The following CAMKMT variants were observed in gnomAD, a reference collection of about 807,000 sequenced individuals.
CAMKMT encodes the protein CaM KMT.
A neutral mutation model predicts 48.0 loss-of-function variants in CAMKMT; 53 were observed. That is an observed-to-expected ratio of 1.10 (90% CI 0.89 to 1.39). CAMKMT has a LOEUF of 1.39. Among genes scored for constraint, CAMKMT ranks in the 40% most tolerant of loss-of-function variants. The pLI, the probability that CAMKMT is intolerant of heterozygous loss-of-function variation, is 0.00. For missense variants in CAMKMT, 428 were observed against 402.7 expected, an observed-to-expected ratio of 1.06 and a Z score of -0.54; for synonymous variants, 165 against 152.3, an observed-to-expected ratio of 1.08 and a Z score of -0.61.
intron 3 of CAMKMT, among the ~76,000 whole-genome samples, chr2:44,559,093 C>T (rs890535162): frequency 3.9e-5 from 6 of 152,148 alleles, no homozygotes; most frequent in African/African-American, 1.4e-4. Flanking sequence ...GTTTCTACAA[C>T]AGATGGTTCT....
rs1012618077 is a variant in CAMKMT at position 44,598,384 on chromosome 2, A to G, written c.377-105899A>G. The stretch of plus-strand genomic sequence containing the variant: ...TTATGCAAAAATAGATTATGAAGGA[A>G]TATGGGAGAAAAGAAATGAAGTTCC... On this transcript the variant is annotated intron_variant, in intron 3 of 10. Transcript: ENST00000378494. 1.8e-4 allele frequency among the ~76,000 whole-genome samples: 27 copies of G among 152,052 alleles called. 1 individual carries two copies. The highest frequency in any genetic ancestry group is 5.6e-4 in the African/African-American group (23 of 41,332).
chr2:44,682,835 T>C (rs986576619), intron 3 of CAMKMT, among the ~76,000 whole-genome samples: 20 of 152,158 alleles, frequency 1.3e-4, no homozygotes, highest in African/African-American at 4.8e-4. Context: ...GACACAACAA[T>C]GTAAAATAAA....
chr2:44,481,669 A>G (rs1051223415), intron 3 of CAMKMT, among the ~76,000 whole-genome samples: 1 of 152,108 alleles, frequency 6.6e-6, no homozygotes, highest in African/African-American at 2.4e-5. Context: ...TCATATTGCT[A>G]TTCAACAAAA....
chr2:44,492,889 CTT>C (rs11400501), intron 3 of CAMKMT, among the ~76,000 whole-genome samples: 1 of 142,854 alleles, frequency 7.0e-6, no homozygotes, highest in Non-Finnish European at 1.5e-5. Context: ...CATATTGTAT[CTT>C]TTTTTTTTTT....
chr2:44,534,149 G>T (rs776412300), intron 3 of CAMKMT, among the ~76,000 whole-genome samples: 5 of 152,102 alleles, frequency 3.3e-5, no homozygotes. Context: ...AATGACAAAG[G>T]AATCACTTCA....
rs149089358 is a variant in CAMKMT, at chr2:44,722,038, A to G, written c.623+6685A>G. On this transcript the variant is annotated intron_variant, in intron 7 of 10. Coordinates refer to ENST00000378494, the MANE Select transcript of CAMKMT (RefSeq NM_024766.5). Reference sequence around the variant, plus strand: ...TCACATCTGGAATCTATTGCTTAAAATAGTGTTTTTAAGGTTATTCATGTG... The same window carrying G: ...TCACATCTGGAATCTATTGCTTAAAGTAGTGTTTTTAAGGTTATTCATGTG... Among the ~76,000 whole-genome samples, 958 of 152,346 alleles carry G rather than the reference A, an allele frequency of 6.3e-3. 11 individuals carry two copies. Among genetic ancestry groups the G allele is most frequent in the African/African-American group, 0.022 (912 of 41,582 alleles).
intron 3 of CAMKMT, among the ~76,000 whole-genome samples, chr2:44,576,594 A>G (rs910612160): frequency 6.6e-6 from 1 of 152,210 alleles, no homozygotes; most frequent in Non-Finnish European, 1.5e-5. Context: ...GAATGTGATC[A>G]GTGGTCAAAG....
At chr2:44,589,915 A>AAAAAAAAG in intron 3 of CAMKMT, among the ~76,000 whole-genome samples, 3 of 80,536 alleles carry the variant, frequency 3.7e-5, no homozygotes, top group Non-Finnish European at 8.1e-5. Context: ...AAAAGAACGA[A>AAAAAAAAG]AAAAAAAAAA....
intron 3 of CAMKMT, among the ~76,000 whole-genome samples, chr2:44,629,311 G>A (rs112467652): frequency 5.9e-5 from 9 of 152,006 alleles, no homozygotes; most frequent in South Asian, 2.1e-4. Context: ...TTTGAAGTCC[G>A]CTGTGTCTGA....
intron 3 of CAMKMT, among the ~76,000 whole-genome samples, chr2:44,643,861 G>T (rs1406940468): frequency 6.6e-6 from 1 of 152,014 alleles, no homozygotes; most frequent in East Asian, 1.9e-4. Flanking sequence ...ATAGTGTGTC[G>T]ATATGATTGA....
At position 44,390,249 on chromosome 2, in the gene CAMKMT, G is replaced by T. The variant is rs781269991; in HGVS notation, c.320G>T (p.Ser107Ile). The T allele has an allele frequency of 6.2e-7, 1 of 1,608,632 alleles. No individual in the cohort carries two copies. Among genetic ancestry groups the T allele is most frequent in the East Asian group, 2.2e-5 (1 of 44,716 alleles). Residue 107 changes from serine to isoleucine, a missense_variant, in exon 3 of 11, where the codon AGT (serine) becomes ATT (isoleucine). Transcript: ENST00000378494. The part of the protein sequence containing the change: ...PEYSISLRHN[S>I]GSLNVEDVLT... ...GCTTTACTCCTTTCTAGGCATAATA[G>T]TGGATCCTTGAATGTTGAAGATGTC...
At chr2:44,522,236 A>T (rs1478927892) in intron 3 of CAMKMT, among the ~76,000 whole-genome samples, 3 of 151,698 alleles carry the variant, frequency 2.0e-5, no homozygotes, top group African/African-American at 7.3e-5. Context: ...TGATCTCCTG[A>T]CCTCGTGATA....
chr2:44,693,005 C>G (rs1676749213), intron 3 of CAMKMT, among the ~76,000 whole-genome samples: 1 of 152,190 alleles, frequency 6.6e-6, no homozygotes, highest in Non-Finnish European at 1.5e-5. Context: ...ATACTTGACA[C>G]TTCCCTCTCC....
At chr2:44,469,067 G>A (rs1668277638) in intron 3 of CAMKMT, among the ~76,000 whole-genome samples, 1 of 152,130 alleles carries the variant, frequency 6.6e-6, no homozygotes, top group African/African-American at 2.4e-5. Context: ...GTTGGTTAAT[G>A]TATACAATAT....
chr2:44,748,830 T>C (rs1680028703), intron 8 of CAMKMT, among the ~76,000 whole-genome samples: 1 of 152,090 alleles, frequency 6.6e-6, no homozygotes, highest in South Asian at 2.1e-4. Flanking sequence ...TGAGCCAAGA[T>C]CGCTCAAGAT....
At chr2:44,758,021 C>G (rs1558838705) in intron 9 of CAMKMT, among the ~76,000 whole-genome samples, 1 of 152,172 alleles carries the variant, frequency 6.6e-6, no homozygotes. Flanking sequence ...TGTAGCAGGC[C>G]CTGTACTGGT....
At chr2:44,387,307 T>G (rs1680868097) in intron 2 of CAMKMT, among the ~76,000 whole-genome samples, 1 of 151,838 alleles carries the variant, frequency 6.6e-6, no homozygotes, top group African/African-American at 2.4e-5. Context: ...GCTTTAAGGT[T>G]TGTTTTGTCT....
In CAMKMT at chr2:44,653,701, C is replaced by T. The variant is rs79657925; in HGVS notation, c.377-50582C>T. ...AACCAAGATTAATGAAAAATTTTAT[C>T]CCCCTTTTAAGTAAATTAATCTTTT... On this transcript the variant is annotated intron_variant, in intron 3 of 10. Transcript: ENST00000378494. The surrounding 1 kb of genome is among the most constrained non-coding windows in gnomAD (Gnocchi z 5.2). Among the ~76,000 whole-genome samples the T allele has an allele frequency of 0.025, 3,745 of 152,216 alleles. 149 individuals carry two copies. The highest frequency in any genetic ancestry group is 0.085 in the African/African-American group (3,535 of 41,526).
intron 9 of CAMKMT, among the ~76,000 whole-genome samples, chr2:44,759,005 C>T (rs1680500428): frequency 6.6e-6 from 1 of 152,228 alleles, no homozygotes; most frequent in African/African-American, 2.4e-5. Flanking sequence ...TCAGAAATAT[C>T]ACTGTGGAAT....
Sources: allele counts gnomAD v4.1 joint callset (sites outside exome capture counted in the v4.1 genomes callset), GRCh38; gene constraint gnomAD v4.1.1; non-coding constraint Gnocchi (gnomAD v3.1); transcripts MANE v1.5; gene names NCBI Gene and HGNC (gene_info 2026-07-23, HGNC 2026-07-21).